The following SOS2 variants were observed in gnomAD, a reference collection of about 807,000 sequenced individuals.
SOS2 encodes SOS Ras/Rho guanine nucleotide exchange factor 2.
A neutral mutation model predicts 148.2 loss-of-function variants in SOS2; 65 were observed. The observed-to-expected ratio is 0.44, with a 90% CI of 0.36 to 0.54. The LOEUF is 0.54. Among genes scored for constraint, SOS2 ranks in the 20% least tolerant of loss-of-function variants. The pLI is 0.00. For missense variants in SOS2, 1,341 were observed against 1,590.2 expected, an observed-to-expected ratio of 0.84 and a Z score of 2.67; for synonymous variants, 539 against 537.1, an observed-to-expected ratio of 1.00 and a Z score of -0.05.
intron 8 of SOS2, among the ~76,000 whole-genome samples, chr14:50,163,609 A>G (rs925203208): frequency 9.2e-5 from 14 of 152,238 alleles, no homozygotes; most frequent in Non-Finnish European, 1.6e-4. Flanking sequence ...AATATCATAG[A>G]AAGTTTGAAA....
intron 19 of SOS2, among the ~76,000 whole-genome samples, chr14:50,131,886 G>A (rs1883886452): frequency 6.6e-6 from 1 of 152,116 alleles, no homozygotes; most frequent in South Asian, 2.1e-4. Flanking sequence ...TGCTCTAATT[G>A]AAGAGGACCT....
intron 2 of SOS2, among the ~76,000 whole-genome samples, chr14:50,203,613 C>T (rs554522129): frequency 4.6e-5 from 7 of 152,056 alleles, no homozygotes; most frequent in Non-Finnish European, 8.8e-5. Flanking sequence ...TATATACACA[C>T]ACACATACAT....
intron 18 of SOS2, among the ~76,000 whole-genome samples, chr14:50,138,227 G>C (rs1464625344): frequency 6.6e-6 from 1 of 151,908 alleles, no homozygotes; most frequent in African/African-American, 2.4e-5. Context: ...CGCTATCTCG[G>C]CTCACTGCAA....
At chr14:50,190,962 C>T (rs113651414) in intron 4 of SOS2, among the ~76,000 whole-genome samples, 2 of 152,252 alleles carry the variant, frequency 1.3e-5, no homozygotes, top group African/African-American at 4.8e-5. Context: ...GAGCTACCAC[C>T]CTCTTCTCTT....
chr14:50,140,566 C>T lies in SOS2; in HGVS notation c.2668-507G>A, dbSNP rs148684921. Among the ~76,000 whole-genome samples the T allele has an allele frequency of 2.0e-4, 31 of 152,238 alleles. No individual in the cohort carries two copies. The East Asian group carries it at 5.4e-3, about 26-fold the overall frequency. Reference sequence around the variant, plus strand: ...TAATTTTTACTTCAGAAAGAATATACACACACACGTAAACCCCAGAGCGAA... The same window carrying T: ...TAATTTTTACTTCAGAAAGAATATATACACACACGTAAACCCCAGAGCGAA... On this transcript the variant is annotated intron_variant, in intron 16 of 22. Coordinates refer to ENST00000216373, the MANE Select transcript of SOS2 (RefSeq NM_006939.4).
At position 50,119,803 on chromosome 14, in the gene SOS2, CTTTTTTTTTTTTTTT is replaced by C. The variant is rs59325250; in HGVS notation, c.3489+457_3489+471del. Among the ~76,000 whole-genome samples, 3 of 68,498 alleles carry C rather than the reference CTTTTTTTTTTTTTTT, an allele frequency of 4.4e-5. No homozygotes were observed. The East Asian group carries it at 1.3e-3, about 29-fold the overall frequency. The allele number at this position is 68,498 out of a possible 152,430, so 44.9% of individuals were successfully genotyped here. A position where few individuals can be genotyped will look rare whatever the true frequency, so the allele number is the denominator to read the frequency against. ...TGCCTGCCTCAGCCTCCCAACCAGC[CTTTTTTTTTTTTTTT>C]TTTTTTTTTGAGACAAGAGTTTTGC... On this transcript the variant is annotated intron_variant, in intron 22 of 22. Coordinates refer to ENST00000216373, the MANE Select transcript of SOS2 (RefSeq NM_006939.4).
chr14:50,122,370 A>T (rs1038860856), intron 21 of SOS2, among the ~76,000 whole-genome samples: 2 of 147,794 alleles, frequency 1.4e-5, no homozygotes, highest in Non-Finnish European at 3.0e-5. Flanking sequence ...AAAACAATGA[A>T]GAGTGAAAAA....
At chr14:50,133,134 G>A (rs1191149122) in intron 19 of SOS2, among the ~76,000 whole-genome samples, 1 of 151,802 alleles carries the variant, frequency 6.6e-6, no homozygotes, top group Non-Finnish European at 1.5e-5. Flanking sequence ...CTGAACTTGA[G>A]GAAGCTTATG....
At chr14:50,143,822 T>TG (rs1302498519) in intron 16 of SOS2, among the ~76,000 whole-genome samples, 4 of 128,700 alleles carry the variant, frequency 3.1e-5, no homozygotes, top group Non-Finnish European at 7.2e-5. Context: ...CATGCCTGGC[T>TG]ATTTTTTTTT....
chr14:50,184,864 CAAAAAAAAA>C (rs34039045), intron 5 of SOS2, among the ~76,000 whole-genome samples: 3 of 57,126 alleles, frequency 5.3e-5, no homozygotes, highest in African/African-American at 1.3e-4. Flanking sequence ...ACCCTGTCTC[CAAAAAAAAA>C]AAAAAAAAAA....
intron 19 of SOS2, among the ~76,000 whole-genome samples, chr14:50,133,239 TTTC>T (rs1883954268): frequency 2.3e-5 from 2 of 87,512 alleles, no homozygotes; most frequent in African/African-American, 8.8e-5. Flanking sequence ...TTTTTTCTTT[TTTC>T]TTTTTTCTTT....
At chr14:50,163,352 A>G (rs1404459494) in intron 8 of SOS2, among the ~76,000 whole-genome samples, 2 of 152,138 alleles carry the variant, frequency 1.3e-5, no homozygotes, top group African/African-American at 4.8e-5. Flanking sequence ...AAAAGCATTC[A>G]GCAATGGTTC....
Position 50,118,871 on chromosome 14 carries a change from T to G in SOS2, c.3490-18A>C, listed in dbSNP as rs79858475. On this transcript the variant is annotated intron_variant, in intron 22 of 22. Coordinates refer to ENST00000216373, the MANE Select transcript of SOS2 (RefSeq NM_006939.4). ...ATATTTCCCTCAAAAAAAAAAGTAA[T>G]TAAATTATACCTCTATTCTGAAAAA... 158,555 of 1,404,518 alleles carry G rather than the reference T, an allele frequency of 0.11. 10,811 individuals carry two copies. Among genetic ancestry groups the G allele is most frequent in the African/African-American group, 0.26 (18,090 of 68,772 alleles). The allele number at this position is 1,404,518 out of a possible 1,614,324, so 87.0% of individuals were successfully genotyped here.
chr14:50,127,868 G>A (rs1883733866), intron 21 of SOS2, among the ~76,000 whole-genome samples: 1 of 152,116 alleles, frequency 6.6e-6, no homozygotes, highest in Admixed American at 6.5e-5. Flanking sequence ...AGACTTTTCA[G>A]CAGGAATTAT....
chr14:50,157,240 C>T, intron 11 of SOS2, 119 bp from the exon 12 acceptor site: 1 of 1,122,132 alleles, frequency 8.9e-7, no homozygotes, highest in South Asian at 1.6e-5. Flanking sequence ...TGTTAAACTT[C>T]CCTTGAGGTA....
At chr14:50,128,563 A>C (rs2139504859) in intron 21 of SOS2, among the ~76,000 whole-genome samples, 1 of 152,332 alleles carries the variant, frequency 6.6e-6, no homozygotes, top group Admixed American at 6.5e-5. Context: ...GGTAGACATG[A>C]AATTCTCATC....
chr14:50,174,424 G>A, intron 8 of SOS2, 30 bp downstream of exon 8: 1 of 1,229,818 alleles, frequency 8.1e-7, no homozygotes, highest in Non-Finnish European at 1.2e-6. Flanking sequence ...TATTAGATAA[G>A]TACTTTGAGA....
intron 10 of SOS2, 70 bp downstream of exon 10, chr14:50,159,361 T>G (rs1034158460): frequency 7.0e-6 from 7 of 998,740 alleles, no homozygotes; most frequent in Non-Finnish European, 5.8e-6. Context: ...GCCTCAAATA[T>G]TTTTGAGCAT....
Position 50,160,106 on chromosome 14 carries a change from T to C in SOS2, c.1197-20A>G, listed in dbSNP as rs759795699. ...GGATCTCTAGAAAAAACAAACAATA[T>C]AGCTTATTCAACAGCTAGCAACCCA... On this transcript the variant is annotated intron_variant, in intron 9 of 22. Coordinates refer to ENST00000216373, the MANE Select transcript of SOS2 (RefSeq NM_006939.4). 5 of 1,584,420 alleles carry C rather than the reference T, an allele frequency of 3.2e-6. No individual in the cohort carries two copies. Among genetic ancestry groups the C allele is most frequent in the South Asian group, 2.3e-5 (2 of 87,858 alleles).
Sources: allele counts gnomAD v4.1 joint callset (sites outside exome capture counted in the v4.1 genomes callset), GRCh38; gene constraint gnomAD v4.1.1; transcripts MANE v1.5; gene names NCBI Gene and HGNC (gene_info 2026-07-23, HGNC 2026-07-21).